Variants in SPECC1 observed in about 807,000 individuals in gnomAD.
The protein encoded by SPECC1 is sperm antigen with calponin homology and coiled-coil domains 1.
SPECC1 carries 62 observed loss-of-function variants against 104.1 expected under a neutral mutation model. The ratio of observed to expected loss-of-function variants is 0.60; its 90% CI spans 0.49 to 0.74. SPECC1 has a LOEUF of 0.74. Ranked by LOEUF, SPECC1 falls within the 30% of genes least tolerant of loss-of-function variation. The pLI is 0.00. For missense variants in SPECC1, 1,306 were observed against 1,310.5 expected, an observed-to-expected ratio of 1.00 and a Z score of 0.05; for synonymous variants, 513 against 501.6, an observed-to-expected ratio of 1.02 and a Z score of -0.30.
chr17:20,298,439 C>T (rs1164982876), intron 13 of SPECC1, among the ~76,000 whole-genome samples: 4 of 152,242 alleles, frequency 2.6e-5, no homozygotes, highest in South Asian at 2.1e-4. Context: ...TTGTCCAGGC[C>T]GTGGAAGAAG....
At chr17:20,184,181 CAA>C (rs759475722) in intron 3 of SPECC1, among the ~76,000 whole-genome samples, 13 of 44,210 alleles carry the variant, frequency 2.9e-4, no homozygotes, top group Middle Eastern at 0.012. Flanking sequence ...ACTCCTGTCT[CAA>C]AAAAAAAAAA....
intron 12 of SPECC1, among the ~76,000 whole-genome samples, chr17:20,277,913 T>C (rs1370001553): frequency 3.3e-5 from 5 of 152,258 alleles, no homozygotes; most frequent in Non-Finnish European, 4.4e-5. Flanking sequence ...CCACGCTGCT[T>C]CTGCATCCAT....
At chr17:20,119,681 G>A (rs1167230643) in intron 3 of SPECC1, among the ~76,000 whole-genome samples, 10 of 152,260 alleles carry the variant, frequency 6.6e-5, no homozygotes, top group Admixed American at 6.5e-4. Flanking sequence ...ATTAGGAGCA[G>A]TGGTATGCAG....
intron 1 of SPECC1, among the ~76,000 whole-genome samples, chr17:20,080,452 G>T (rs1433032675): frequency 2.6e-5 from 4 of 152,292 alleles, no homozygotes. Flanking sequence ...CTCTGAGACA[G>T]ACTGCGGGAG....
chr17:20,285,826 T>A (rs1221675275), intron 12 of SPECC1, among the ~76,000 whole-genome samples: 1 of 151,308 alleles, frequency 6.6e-6, no homozygotes, highest in Middle Eastern at 3.2e-3. Flanking sequence ...TTCCTTTTTT[T>A]TTTTTTGATA....
chr17:20,227,066 A>G (rs1423403506), intron 4 of SPECC1, among the ~76,000 whole-genome samples: 2 of 151,992 alleles, frequency 1.3e-5, no homozygotes, highest in Non-Finnish European at 1.5e-5. Flanking sequence ...GGAAAGAGGA[A>G]TATTTAAGTA....
chr17:20,128,634 A>G (rs541435055), intron 3 of SPECC1, among the ~76,000 whole-genome samples: 1 of 152,222 alleles, frequency 6.6e-6, no homozygotes, highest in African/African-American at 2.4e-5. Flanking sequence ...TAATGACAAT[A>G]ATTTTCTTAC....
chr17:20,055,399 T>G (rs1355485120), intron 1 of SPECC1, among the ~76,000 whole-genome samples: 1 of 152,208 alleles, frequency 6.6e-6, no homozygotes, highest in Admixed American at 6.5e-5. Flanking sequence ...CATACTCTTT[T>G]CCACAGCAGC....
Position 20,182,119 on chromosome 17 carries a change from C to CTTTT in SPECC1, c.284-22207_284-22204dup, listed in dbSNP as rs57991209. Among the ~76,000 whole-genome samples, 10 of 136,576 alleles carry CTTTT rather than the reference C, an allele frequency of 7.3e-5. 2 individuals carry two copies. The highest frequency in any genetic ancestry group is 9.2e-5 in the Non-Finnish European group (6 of 64,926). 89.6% of individuals were successfully genotyped at this position (136,576 alleles called of 152,430 possible). On this transcript the variant is annotated intron_variant, in intron 3 of 14. Transcript: ENST00000395527. Reference sequence around the variant, plus strand: ...CAATTTTTTCTTTTTCTTTCTTTTTCTTTTTTTTTTGGAGACAGGGCCTCA... The same window carrying CTTTT: ...CAATTTTTTCTTTTTCTTTCTTTTTCTTTTTTTTTTTTTTGGAGACAGGGCCTCA...
intron 7 of SPECC1, chr17:20,239,463 C>G (rs183341957): frequency 4.8e-6 from 1 of 209,054 alleles, no homozygotes; most frequent in East Asian, 1.2e-4. Context: ...ATATCATAGG[C>G]ATCCTTCCAG....
intron 3 of SPECC1, among the ~76,000 whole-genome samples, chr17:20,115,202 C>T (rs1007311657): frequency 2.0e-5 from 3 of 152,122 alleles, no homozygotes; most frequent in African/African-American, 7.2e-5. Flanking sequence ...CAGCCGGGCA[C>T]GGTGGCTCAC....
intron 1 of SPECC1, chr17:20,056,379 C>T (rs1675931552): frequency 1.0e-5 from 2 of 192,368 alleles, no homozygotes; most frequent in Admixed American, 9.9e-5. Context: ...TCCTAGCTAA[C>T]CGCAGCAAGG....
chr17:20,286,319 G>A (rs2040944341), intron 12 of SPECC1, among the ~76,000 whole-genome samples: 1 of 152,178 alleles, frequency 6.6e-6, no homozygotes, highest in Non-Finnish European at 1.5e-5. Flanking sequence ...CAGAATGCCT[G>A]CTGGGCTGCT....
intron 1 of SPECC1, among the ~76,000 whole-genome samples, chr17:20,024,734 C>T (rs926478697): frequency 2.6e-5 from 4 of 152,260 alleles, no homozygotes; most frequent in South Asian, 4.1e-4. Flanking sequence ...GTCCCAGCTC[C>T]AGCCAAGGAC....
intron 3 of SPECC1, among the ~76,000 whole-genome samples, chr17:20,114,503 GT>G (rs112596381): frequency 3.4e-4 from 46 of 134,402 alleles, no homozygotes; most frequent in African/African-American, 4.2e-4. Context: ...TTTTTTTTTT[GT>G]TTTTTTTTTT....
At position 20,205,899 on chromosome 17, in the gene SPECC1, G is replaced by A. The variant is rs747550258; in HGVS notation, c.1850G>A (p.Ser617Asn). ...KANGEIKHVS[S>N]LLAKVEKDYS... ...AACGGTGAAATTAAACATGTTTCCA[G>A]TCTGCTGGCCAAGGTGAGAAGAGAC... is the stretch of plus-strand genomic sequence containing the variant. The change falls in exon 4 of 15, where the codon AGT becomes AAT. Residue 617 changes from serine to asparagine, a missense_variant. Around this residue, in one of 2 missense-constraint regions of SPECC1, gnomAD observed 1,177 missense variants for 1,139.9 expected, o/e 1.03. Coordinates refer to ENST00000395527, the MANE Select transcript of SPECC1 (RefSeq NM_001243439.2). 2 of 1,609,330 alleles carry A rather than the reference G, an allele frequency of 1.2e-6. No individual in the cohort carries two copies. Among genetic ancestry groups the A allele is most frequent in the African/African-American group, 2.7e-5 (2 of 74,918 alleles).
At chr17:20,021,698 A>G (rs181466502) in intron 1 of SPECC1, among the ~76,000 whole-genome samples, 1 of 113,658 alleles carries the variant, frequency 8.8e-6, no homozygotes, top group African/African-American at 4.1e-5. Context: ...ATATATATAT[A>G]TATATTTTTT....
intron 1 of SPECC1, among the ~76,000 whole-genome samples, chr17:20,062,824 G>A (rs546632196): frequency 3.9e-5 from 6 of 152,034 alleles, no homozygotes; most frequent in African/African-American, 1.4e-4. Flanking sequence ...GAGTAGCAAG[G>A]ATTACAGGTG....
rs147496099 is a variant in SPECC1, at chr17:20,031,930, G to A, written c.-22+22506G>A. On this transcript the variant is annotated intron_variant, in intron 1 of 14. Coordinates refer to ENST00000395527, the MANE Select transcript of SPECC1 (RefSeq NM_001243439.2). ...GACCCTTGGGTTGCTTCTACCTTTTGGCTATTGTGAATAATGCTGCTATGA... is the reference window on the plus strand; with the variant it reads ...GACCCTTGGGTTGCTTCTACCTTTTAGCTATTGTGAATAATGCTGCTATGA... Among the ~76,000 whole-genome samples, 500 of 152,184 alleles carry A rather than the reference G, an allele frequency of 3.3e-3. 3 individuals carry two copies. Among genetic ancestry groups the A allele is most frequent in the African/African-American group, 0.011 (469 of 41,528 alleles).
Sources: gnomAD v4.1 joint callset for allele counts (sites outside exome capture counted in the v4.1 genomes callset) on GRCh38, gnomAD v4.1.1 for gene constraint, gnomAD v4.1.1 regional missense constraint, MANE v1.5 for transcripts, NCBI Gene and HGNC (gene_info 2026-07-23, HGNC 2026-07-21) for gene names.